The following ASIC2 variants were observed in gnomAD, a reference collection of about 807,000 sequenced individuals.
The protein encoded by ASIC2 is acid sensing ion channel subunit 2, also known as acid-sensing ion channel 2.
In ASIC2, 25 loss-of-function variants were observed where a neutral mutation model predicts 57.3. That is an observed-to-expected ratio of 0.44 (90% CI 0.32 to 0.61). ASIC2 has a LOEUF of 0.61. Among genes scored for constraint, ASIC2 ranks in the 20% least tolerant of loss-of-function variants. The pLI is 0.06. For missense variants in ASIC2, 641 were observed against 738.1 expected (o/e 0.87, Z 1.52); for synonymous variants, 319 against 307.5 (o/e 1.04, Z -0.39).
intron 1 of ASIC2, chr17:34,039,111 C>G: frequency 6.2e-7 from 1 of 1,614,080 alleles, no homozygotes; most frequent in South Asian, 1.1e-5. Context: ...TCTCTAGCAT[C>G]TTTTGCTGTT....
chr17:33,928,227 C>A (rs1915863428), intron 1 of ASIC2, among the ~76,000 whole-genome samples: 1 of 152,228 alleles, frequency 6.6e-6, no homozygotes, highest in African/African-American at 2.4e-5. Context: ...CCCTGCTGCC[C>A]ATTGGCGACC....
intron 1 of ASIC2, chr17:34,039,890 C>A: frequency 1.3e-6 from 2 of 1,584,140 alleles, no homozygotes; most frequent in Non-Finnish European, 1.7e-6. Context: ...GCCGCCGCCG[C>A]CGCTGCCGCT....
intron 1 of ASIC2, among the ~76,000 whole-genome samples, chr17:33,412,075 C>T (rs1259707841): frequency 6.6e-6 from 1 of 151,696 alleles, no homozygotes; most frequent in Non-Finnish European, 1.5e-5. Flanking sequence ...AAACAAAAAC[C>T]TTGAAGCTAC....
intron 1 of ASIC2, among the ~76,000 whole-genome samples, chr17:33,784,623 G>T (rs1485611124): frequency 6.6e-6 from 1 of 152,124 alleles, no homozygotes; most frequent in Non-Finnish European, 1.5e-5. Context: ...TTATAATTTT[G>T]TCATGTAATC....
chr17:33,494,945 T>G (rs113223681), intron 1 of ASIC2, among the ~76,000 whole-genome samples: 3 of 152,202 alleles, frequency 2.0e-5, no homozygotes, highest in African/African-American at 7.2e-5. Context: ...AGGGTCTCTC[T>G]CTATACTCTT....
intron 1 of ASIC2, among the ~76,000 whole-genome samples, chr17:33,190,428 C>G (rs988828984): frequency 6.6e-6 from 1 of 152,032 alleles, no homozygotes; most frequent in Non-Finnish European, 1.5e-5. Context: ...ATGCTATTGA[C>G]AGGAAGATTA....
intron 1 of ASIC2, among the ~76,000 whole-genome samples, chr17:33,396,125 G>A (rs1327531914): frequency 6.6e-6 from 1 of 152,142 alleles, no homozygotes. Context: ...GAGATTAGAA[G>A]GAATGGTCAT....
At chr17:33,518,102 G>T (rs1013998196) in intron 1 of ASIC2, among the ~76,000 whole-genome samples, 1 of 152,300 alleles carries the variant, frequency 6.6e-6, no homozygotes, top group Admixed American at 6.5e-5. Context: ...TGCAAGAGAT[G>T]AGTGTCATCC....
intron 1 of ASIC2, among the ~76,000 whole-genome samples, chr17:33,216,306 C>T (rs535147509): frequency 4.6e-5 from 7 of 152,304 alleles, no homozygotes; most frequent in South Asian, 2.1e-4. Context: ...GATACATTAA[C>T]GAAACCGTAT....
Position 33,416,646 on chromosome 17 carries a change from A to G in ASIC2, c.556-304579T>C, listed in dbSNP as rs183994185. 1.1e-4 allele frequency among the ~76,000 whole-genome samples: 16 copies of G among 152,324 alleles called. No homozygotes were observed. The East Asian group carries it at 2.9e-3, about 28-fold the overall frequency. ...GTGATGCCGTTGTGGGAAGATGGCA[A>G]TGGCTTTTTAATAGCTGGGGGCACC... On this transcript the variant is annotated intron_variant, in intron 1 of 9. Transcript: ENST00000359872.
chr17:33,046,159 A>G (rs1201554023), intron 3 of ASIC2, among the ~76,000 whole-genome samples: 1 of 152,196 alleles, frequency 6.6e-6, no homozygotes, highest in Admixed American at 6.5e-5. Flanking sequence ...GATTACACAT[A>G]TGACATTTAC....
intron 1 of ASIC2, among the ~76,000 whole-genome samples, chr17:33,482,051 G>T (rs1913425281): frequency 6.6e-6 from 1 of 152,218 alleles, no homozygotes; most frequent in East Asian, 1.9e-4. Flanking sequence ...GCTCTCTGCT[G>T]CTCTGGTCTC....
chr17:33,242,665 G>A (rs530281841), intron 1 of ASIC2, among the ~76,000 whole-genome samples: 10 of 152,230 alleles, frequency 6.6e-5, no homozygotes, highest in South Asian at 2.1e-4. Flanking sequence ...ATCCCGAGAC[G>A]TCCGGGAGTT....
chr17:33,195,562 C>A (rs940353079), intron 1 of ASIC2, among the ~76,000 whole-genome samples: 2 of 152,068 alleles, frequency 1.3e-5, no homozygotes, highest in African/African-American at 2.4e-5. Context: ...TGGTTACTGG[C>A]CATCAACTTT....
chr17:33,524,183 T>A (rs1476969326), intron 1 of ASIC2, among the ~76,000 whole-genome samples: 1 of 152,238 alleles, frequency 6.6e-6, no homozygotes, highest in Non-Finnish European at 1.5e-5. Flanking sequence ...TTCTTGCTAA[T>A]CCCTGCCTCC....
At chr17:33,570,561 A>T (rs1003074911) in intron 1 of ASIC2, among the ~76,000 whole-genome samples, 1 of 152,214 alleles carries the variant, frequency 6.6e-6, no homozygotes, top group African/African-American at 2.4e-5. Flanking sequence ...CTGTGAATTG[A>T]TTAGTCCCAG....
chr17:33,591,070 G>A (rs925442197), intron 1 of ASIC2, among the ~76,000 whole-genome samples: 10 of 152,116 alleles, frequency 6.6e-5, no homozygotes, highest in Non-Finnish European at 1.2e-4. Context: ...CTCTGTTCCT[G>A]TTTTCTGTTA....
chr17:33,079,833 C>T (rs2092105666), intron 3 of ASIC2, among the ~76,000 whole-genome samples: 1 of 152,058 alleles, frequency 6.6e-6, no homozygotes, highest in African/African-American at 2.4e-5. Context: ...CAGCATTATC[C>T]CCATTTTGCA....
chr17:33,603,986 G>T (rs1878850623), intron 1 of ASIC2, among the ~76,000 whole-genome samples: 1 of 152,156 alleles, frequency 6.6e-6, no homozygotes, highest in Non-Finnish European at 1.5e-5. Flanking sequence ...AAAGTGGGCT[G>T]CCTCACTCTG....
Sources: allele counts gnomAD v4.1 joint callset (sites outside exome capture counted in the v4.1 genomes callset), GRCh38; gene constraint gnomAD v4.1.1; transcripts MANE v1.5; gene names NCBI Gene and HGNC (gene_info 2026-07-23, HGNC 2026-07-21).